CFAP92: variants seen among roughly 807,000 people sequenced by gnomAD.
The protein encoded by CFAP92 is uncharacterized protein CFAP92.
A neutral mutation model predicts 106.3 loss-of-function variants in CFAP92; 86 were observed. That is an observed-to-expected ratio of 0.81 (90% CI 0.68 to 0.97). CFAP92 has a LOEUF of 0.97. CFAP92 is among the 50% of genes least tolerant of loss of function. CFAP92 has a pLI of 0.00. For missense variants in CFAP92, 1,204 were observed against 1,283.8 expected, an observed-to-expected ratio of 0.94 and a Z score of 0.95; for synonymous variants, 477 against 506.4, an observed-to-expected ratio of 0.94 and a Z score of 0.78.
intron 9 of CFAP92, among the ~76,000 whole-genome samples, chr3:128,961,978 C>A (rs948904254): frequency 2.6e-5 from 4 of 152,168 alleles, no homozygotes; most frequent in African/African-American, 9.7e-5. Flanking sequence ...CAGGAGCTTG[C>A]TACAAGTGCC....
At position 128,946,278 on chromosome 3, in the gene CFAP92, C is replaced by T. The variant is rs1299164590; in HGVS notation, c.1354-303G>A. Among the ~76,000 whole-genome samples, 3 of 151,972 alleles carry T rather than the reference C, an allele frequency of 2.0e-5. No individual in the cohort carries two copies. In the East Asian group the frequency reaches 5.8e-4, roughly 29 times the overall value. On this transcript the variant is annotated intron_variant, in intron 9 of 15. Coordinates refer to ENST00000645291, the MANE Select transcript of CFAP92 (RefSeq NM_001394090.1). ...GATAGGCCATGTGTCCTTTTTCATACCTGTACTTCTAGTTCCTATCCCGAG... is the reference window on the plus strand; with the variant it reads ...GATAGGCCATGTGTCCTTTTTCATATCTGTACTTCTAGTTCCTATCCCGAG...
upstream of CFAP92, chr3:129,003,309 A>T (rs1160078803): frequency 1.1e-5 from 11 of 984,424 alleles, no homozygotes; most frequent in Non-Finnish European, 1.3e-5. Flanking sequence ...AGCACCTACT[A>T]TGTGCCAGGT....
At chr3:128,917,092 T>C (rs1352927282) in intron 12 of CFAP92, among the ~76,000 whole-genome samples, 1 of 152,162 alleles carries the variant, frequency 6.6e-6, no homozygotes, top group Non-Finnish European at 1.5e-5. Context: ...AAGAACAGAC[T>C]GTCCAGGCAA....
intron 1 of CFAP92, 43 bp from the exon 2 acceptor site, chr3:128,993,379 G>C: frequency 6.5e-7 from 1 of 1,531,058 alleles, no homozygotes; most frequent in Non-Finnish European, 8.8e-7. Context: ...TGTATTCCAG[G>C]GCTGCTCCAG....
chr3:128,992,488 G>T (rs1261176850), intron 2 of CFAP92, among the ~76,000 whole-genome samples: 1 of 152,108 alleles, frequency 6.6e-6, no homozygotes, highest in African/African-American at 2.4e-5. Flanking sequence ...CTTGAACCCG[G>T]AAGGCTGAGG....
chr3:128,933,731 C>G (rs1355848761), intron 11 of CFAP92, among the ~76,000 whole-genome samples: 1 of 152,196 alleles, frequency 6.6e-6, no homozygotes, highest in East Asian at 1.9e-4. Flanking sequence ...TCTTCTGTTT[C>G]CTTCATAGAA....
chr3:128,935,027 A>T, intron 11 of CFAP92, 98 bp downstream of exon 11: 1 of 897,512 alleles, frequency 1.1e-6, no homozygotes, highest in Non-Finnish European at 1.6e-6. Flanking sequence ...GCCACTATCT[A>T]GTTGTTGGAT....
At chr3:129,012,607 C>T in the CFAP92 span, among the ~76,000 whole-genome samples, 3 of 152,148 alleles carry the variant, frequency 2.0e-5, no homozygotes, top group Non-Finnish European at 4.4e-5. Flanking sequence ...ACCTCCAGGC[C>T]GAGACCAGGA....
intron 1 of CFAP92, chr3:128,993,671 A>ACGT (rs1944357956): frequency 2.9e-6 from 1 of 345,748 alleles, no homozygotes; most frequent in Non-Finnish European, 5.6e-6. Flanking sequence ...GGGAGAGGGG[A>ACGT]CGTCTGCTCA....
intron 7 of CFAP92, among the ~76,000 whole-genome samples, chr3:128,974,346 C>T (rs1349991668): frequency 6.6e-6 from 1 of 152,240 alleles, no homozygotes; most frequent in African/African-American, 2.4e-5. Flanking sequence ...ATTTTCCCAC[C>T]TCACACTGGA....
chr3:129,003,209 T>G, upstream of CFAP92: 1 of 985,258 alleles, frequency 1.0e-6, no homozygotes, highest in Non-Finnish European at 1.2e-6. Context: ...GGGAAACTAC[T>G]CCTCTGATGT....
At chr3:128,915,819 G>C (rs1455958436) in intron 13 of CFAP92, 1 of 494,618 alleles carries the variant, frequency 2.0e-6, no homozygotes, top group East Asian at 3.2e-5. Context: ...TAGCTGCCTT[G>C]ATAAGCAGCA....
upstream of CFAP92, chr3:128,994,110 AGG>A (rs1944387957): frequency 1.0e-6 from 1 of 985,562 alleles, no homozygotes; most frequent in Non-Finnish European, 1.2e-6. Context: ...GGAGGGCCGC[AGG>A]CCCAGCCACT....
At chr3:128,994,103 G>A (rs964030893), upstream of CFAP92, 1 of 985,814 alleles carries the variant, frequency 1.0e-6, no homozygotes, top group African/African-American at 1.7e-5. Flanking sequence ...GGTGCAGGGA[G>A]GGCCGCAGGC....
At chr3:128,989,478 G>A (rs546927089) in intron 2 of CFAP92, among the ~76,000 whole-genome samples, 1 of 152,146 alleles carries the variant, frequency 6.6e-6, no homozygotes, top group African/African-American at 2.4e-5. Context: ...GACAGAGAAA[G>A]CAGCTTCACA....
At chr3:129,022,705 A>G in the CFAP92 span, among the ~76,000 whole-genome samples, 1 of 152,200 alleles carries the variant, frequency 6.6e-6, no homozygotes, top group Non-Finnish European at 1.5e-5. Context: ...CTTTCCCCAG[A>G]ACTGCCTGGA....
intron 3 of CFAP92, 88 bp downstream of exon 3, chr3:128,988,640 G>A: frequency 1.5e-6 from 2 of 1,335,502 alleles, no homozygotes; most frequent in South Asian, 2.7e-5. Context: ...AGCTGGAGGT[G>A]GAGCTGATGT....
At chr3:128,930,307 C>T (rs778500436) in intron 12 of CFAP92, among the ~76,000 whole-genome samples, 16 of 151,998 alleles carry the variant, frequency 1.1e-4, no homozygotes, top group East Asian at 1.9e-4. Context: ...CCCGCCACCA[C>T]GCCCAGCTAA....
At chr3:129,014,620 T>C in the CFAP92 span, among the ~76,000 whole-genome samples, 1 of 152,200 alleles carries the variant, frequency 6.6e-6, no homozygotes, top group Admixed American at 6.5e-5. This position sits in a 1 kb window ranked among gnomAD's most constrained non-coding sequence, Gnocchi z 4.3. Context: ...TCTGGGGGTC[T>C]GGACATCAAC....
Sources: gnomAD v4.1 joint callset for allele counts (sites outside exome capture counted in the v4.1 genomes callset) on GRCh38, gnomAD v4.1.1 for gene constraint, Gnocchi (gnomAD v3.1) non-coding constraint, MANE v1.5 for transcripts, NCBI Gene and HGNC (gene_info 2026-07-23, HGNC 2026-07-21) for gene names.